HS6ST3: variants seen among roughly 807,000 people sequenced by gnomAD.
HS6ST3 encodes heparan sulfate 6-O-sulfotransferase 3, also known as heparan-sulfate 6-O-sulfotransferase 3.
A neutral mutation model predicts 36.7 loss-of-function variants in HS6ST3; 12 were observed. The observed-to-expected ratio is 0.33, with a 90% CI of 0.21 to 0.53. The LOEUF (loss-of-function observed/expected upper bound fraction) is 0.53. HS6ST3 is among the 20% of genes least tolerant of loss of function. The pLI, the probability that HS6ST3 is intolerant of heterozygous loss-of-function variation, is 0.95. For synonymous variants in HS6ST3, 240 were observed against 257.5 expected (o/e 0.93, Z 0.65); for missense variants, 584 against 640.9 (o/e 0.91, Z 0.96).
chr13:96,473,270 T>C (rs2055848078), intron 1 of HS6ST3, among the ~76,000 whole-genome samples: 1 of 152,204 alleles, frequency 6.6e-6, no homozygotes, highest in South Asian at 2.1e-4. Flanking sequence ...GTTATTTTCT[T>C]ATTGGAAAAA....
At chr13:96,830,811 A>G (rs1878762328) in intron 1 of HS6ST3, among the ~76,000 whole-genome samples, 1 of 152,180 alleles carries the variant, frequency 6.6e-6, no homozygotes, top group African/African-American at 2.4e-5. Context: ...GCTCTGAGTT[A>G]CTATGATCTA....
At chr13:96,265,210 C>G (rs1594737072) in intron 1 of HS6ST3, among the ~76,000 whole-genome samples, 1 of 151,874 alleles carries the variant, frequency 6.6e-6, no homozygotes, top group Non-Finnish European at 1.5e-5. Flanking sequence ...AGGGTCTTGC[C>G]CTCTCACCCA....
rs9525148 is a variant in HS6ST3, at chr13:96,199,863, T to A, written c.707+108294T>A. 3.3e-5 allele frequency among the ~76,000 whole-genome samples: 5 copies of A among 152,110 alleles called. No homozygotes were observed. In the East Asian group the frequency reaches 7.7e-4, roughly 23 times the overall value. On this transcript the variant is annotated intron_variant, in intron 1 of 1. Coordinates refer to ENST00000376705, the MANE Select transcript of HS6ST3 (RefSeq NM_153456.4). The stretch of plus-strand genomic sequence containing the variant: ...CAGATTCTGGCTCATATTTTTTTTT[T>A]TATATAGCTTTCTAGCAGGCCAAAT...
intron 1 of HS6ST3, among the ~76,000 whole-genome samples, chr13:96,342,501 G>A (rs1045428586): frequency 6.6e-6 from 1 of 152,164 alleles, no homozygotes; most frequent in Non-Finnish European, 1.5e-5. Context: ...TCGCACATTT[G>A]TTTGAACTTA....
chr13:96,600,082 G>A (rs192709877), intron 1 of HS6ST3, among the ~76,000 whole-genome samples: 4 of 152,044 alleles, frequency 2.6e-5, no homozygotes, highest in African/African-American at 7.2e-5. Context: ...TGCACCATGC[G>A]CTGATGAGAA....
intron 1 of HS6ST3, among the ~76,000 whole-genome samples, chr13:96,518,123 T>G (rs1001544001): frequency 6.6e-6 from 1 of 152,196 alleles, no homozygotes; most frequent in Non-Finnish European, 1.5e-5. Flanking sequence ...GCCATGCACC[T>G]TTCTTAAAGG....
At chr13:96,380,571 C>T (rs2055336183) in intron 1 of HS6ST3, among the ~76,000 whole-genome samples, 1 of 152,136 alleles carries the variant, frequency 6.6e-6, no homozygotes, top group Non-Finnish European at 1.5e-5. Context: ...CGGCCTAGCA[C>T]ACTTTGTTAA....
intron 1 of HS6ST3, among the ~76,000 whole-genome samples, chr13:96,274,558 G>C (rs758342013): frequency 9.2e-5 from 14 of 152,074 alleles, no homozygotes; most frequent in Non-Finnish European, 1.2e-4. Context: ...TTGGAAACAT[G>C]TATAACATTC....
In HS6ST3 at chr13:96,090,706, C is replaced by T. The variant is rs1594672131; in HGVS notation, c.-157C>T. 2.8e-6 allele frequency: 1 copy of T among 363,348 alleles called. No individual in the cohort carries two copies. Among genetic ancestry groups the T allele is most frequent in the Non-Finnish European group, 4.3e-6 (1 of 234,600 alleles). 22.5% of individuals were successfully genotyped at this position (363,348 alleles called of 1,614,324 possible). On this transcript the variant is annotated 5_prime_UTR_variant, in exon 1 of 2. Coordinates refer to ENST00000376705, the MANE Select transcript of HS6ST3 (RefSeq NM_153456.4). ...CCGGCTCCTCAAGCCCCGAGGGCCG[C>T]GGGGCCGCCAGCCAGCCACACGCCT...
rs140029351 is a variant in HS6ST3, at chr13:96,127,424, C to T, written c.707+35855C>T. On this transcript the variant is annotated intron_variant, in intron 1 of 1. Coordinates refer to ENST00000376705, the MANE Select transcript of HS6ST3 (RefSeq NM_153456.4). ...TGTGCAGTTTACAATAGGGTTTGTG[C>T]TCCTATGAGAATCTAATGCTGCTGC... is the stretch of plus-strand genomic sequence containing the variant. Among the ~76,000 whole-genome samples, 60 of 152,316 alleles carry T rather than the reference C, an allele frequency of 3.9e-4. 1 individual carries two copies. The highest frequency in any genetic ancestry group is 1.4e-3 in the African/African-American group (57 of 41,554).
chr13:96,721,947 T>C (rs1438769977), intron 1 of HS6ST3, among the ~76,000 whole-genome samples: 3 of 152,166 alleles, frequency 2.0e-5, no homozygotes, highest in African/African-American at 7.2e-5. Flanking sequence ...GGATTTAACA[T>C]TTAAGTAAGA....
chr13:96,423,576 G>T (rs1018610988), intron 1 of HS6ST3, among the ~76,000 whole-genome samples: 1 of 151,454 alleles, frequency 6.6e-6, no homozygotes, highest in Non-Finnish European at 1.5e-5. Context: ...CAGCCATTTC[G>T]ATTTTTTCAG....
At chr13:96,578,491 C>T (rs1411589904) in intron 1 of HS6ST3, among the ~76,000 whole-genome samples, 3 of 152,182 alleles carry the variant, frequency 2.0e-5, no homozygotes, top group Admixed American at 2.0e-4. Context: ...GGAATGTTTT[C>T]TGCCGTTTCC....
chr13:96,735,359 C>T (rs1178180170), intron 1 of HS6ST3, among the ~76,000 whole-genome samples: 4 of 152,076 alleles, frequency 2.6e-5, no homozygotes, highest in Non-Finnish European at 5.9e-5. Context: ...TTCAGAAATA[C>T]TGGGAATCAC....
rs140845403 is a variant in HS6ST3 at position 96,229,031 on chromosome 13, G to T, written c.707+137462G>T. ...AGGCAGAAGATGCTTTTTAAATTTA[G>T]GAAGGGTTTCAAGTTATCATAAGGG... On this transcript the variant is annotated intron_variant, in intron 1 of 1. Transcript: ENST00000376705. Among the ~76,000 whole-genome samples, 136 of 152,226 alleles carry T rather than the reference G, an allele frequency of 8.9e-4. 1 individual carries two copies. The highest frequency in any genetic ancestry group is 3.1e-3 in the African/African-American group (128 of 41,532).
intron 1 of HS6ST3, among the ~76,000 whole-genome samples, chr13:96,203,803 C>T (rs1240984910): frequency 2.6e-5 from 4 of 152,162 alleles, no homozygotes; most frequent in African/African-American, 9.7e-5. Flanking sequence ...CAGGAAAATA[C>T]AGAAAAGTAA....
At chr13:96,308,306 A>G (rs1049675194) in intron 1 of HS6ST3, among the ~76,000 whole-genome samples, 1 of 152,130 alleles carries the variant, frequency 6.6e-6, no homozygotes, top group African/African-American at 2.4e-5. Context: ...CAAGAAGAAT[A>G]ACAGATTCAT....
chr13:96,796,110 G>A (rs187075988), intron 1 of HS6ST3, among the ~76,000 whole-genome samples: 18 of 152,194 alleles, frequency 1.2e-4, no homozygotes, highest in Admixed American at 4.6e-4. Flanking sequence ...TATGATTCAC[G>A]GGTTTTAAGC....
At chr13:96,418,534 G>A (rs1182952080) in intron 1 of HS6ST3, among the ~76,000 whole-genome samples, 1 of 152,166 alleles carries the variant, frequency 6.6e-6, no homozygotes, top group Non-Finnish European at 1.5e-5. Flanking sequence ...AGCAAGATAA[G>A]CCCTGTCTCC....
Sources: gnomAD v4.1 joint callset for allele counts (sites outside exome capture counted in the v4.1 genomes callset) on GRCh38, gnomAD v4.1.1 for gene constraint, MANE v1.5 for transcripts, NCBI Gene and HGNC (gene_info 2026-07-23, HGNC 2026-07-21) for gene names.